DNTT: variants seen among roughly 807,000 people sequenced by gnomAD.
DNTT encodes the protein DNA nucleotidylexotransferase.
DNTT carries 47 observed loss-of-function variants against 60.9 expected under a neutral mutation model. That is an observed-to-expected ratio of 0.77 (90% confidence interval 0.61 to 0.98). DNTT has a LOEUF of 0.98. Among genes scored for constraint, DNTT ranks in the 50% least tolerant of loss-of-function variants. The pLI, the probability that DNTT is intolerant of heterozygous loss-of-function variation, is 0.00. For missense variants in DNTT, 665 were observed against 627.5 expected, an observed-to-expected ratio of 1.06 and a Z score of -0.64; for synonymous variants, 224 against 221.2, an observed-to-expected ratio of 1.01 and a Z score of -0.11.
chr10:96,322,794 G>A lies in DNTT; in HGVS notation c.750+66G>A, dbSNP rs1272119668. 4.5e-6 allele frequency: 6 copies of A among 1,328,928 alleles called. No homozygotes were observed. The African/African-American group carries it at 5.9e-5, about 13-fold the overall frequency. The allele number at this position is 1,328,928 out of a possible 1,614,324, so 82.3% of individuals were successfully genotyped here. A position where few individuals can be genotyped will look rare whatever the true frequency, so the allele number is the denominator to read the frequency against. ...GTTAATCTTATTACTTATTCTGGCT[G>A]GTTGTATTAGTCAGCTTGGGCTGCA... is the stretch of plus-strand genomic sequence containing the variant. On this transcript the variant is annotated intron_variant, in intron 5 of 10. Coordinates refer to ENST00000371174, the MANE Select transcript of DNTT (RefSeq NM_004088.4).
intron 9 of DNTT, 141 bp from the exon 10 acceptor site, chr10:96,335,750 C>A: frequency 1.1e-6 from 1 of 878,686 alleles, no homozygotes; most frequent in Non-Finnish European, 1.9e-6. Flanking sequence ...ACTTCTGTCA[C>A]CAGAGAATTT....
chr10:96,322,786 T>C (rs1687284147), intron 5 of DNTT, 58 bp downstream of exon 5: 1 of 1,421,730 alleles, frequency 7.0e-7, no homozygotes, highest in Non-Finnish European at 9.7e-7. Context: ...TTATTACTTA[T>C]TCTGGCTGGT....
intron 2 of DNTT, among the ~76,000 whole-genome samples, chr10:96,318,744 C>T (rs6584067): frequency 0.93 from 142,022 of 152,258 alleles, 67,063 homozygotes; most frequent in East Asian, 1. Context: ...TAGAACAACA[C>T]ACATGTAAAG....
chr10:96,305,918 G>C (rs1012448400), intron 1 of DNTT, among the ~76,000 whole-genome samples: 12 of 151,750 alleles, frequency 7.9e-5, no homozygotes, highest in African/African-American at 2.9e-4. Flanking sequence ...TTTCTCTCTT[G>C]CTGCCTCTCT....
chr10:96,338,428 G>T lies in DNTT; in HGVS notation c.*204G>T, dbSNP rs564478065. 327 of 429,172 alleles carry T rather than the reference G, an allele frequency of 7.6e-4. 5 individuals carry two copies. In the South Asian group the frequency reaches 0.014, roughly 19 times the overall value. 26.6% of individuals were successfully genotyped at this position (429,172 alleles called of 1,614,324 possible). A position where few individuals can be genotyped will look rare whatever the true frequency, so the allele number is the denominator to read the frequency against. Reference sequence around the variant, plus strand: ...CTAATAGGCCATGTTTATGACTGTTGCATAGAATTCACAATGCATTTTTCA... The same window carrying T: ...CTAATAGGCCATGTTTATGACTGTTTCATAGAATTCACAATGCATTTTTCA... On this transcript the variant is annotated 3_prime_UTR_variant, in exon 11 of 11. Coordinates refer to ENST00000371174, the MANE Select transcript of DNTT (RefSeq NM_004088.4).
intron 8 of DNTT, among the ~76,000 whole-genome samples, chr10:96,330,338 G>T (rs1844991901): frequency 6.9e-6 from 1 of 143,984 alleles, no homozygotes; most frequent in Non-Finnish European, 1.5e-5. Flanking sequence ...TTTTTTAAGG[G>T]AAGGTGTGTT....
chr10:96,335,830 C>T, intron 9 of DNTT, 61 bp from the exon 10 acceptor site: 3 of 1,555,778 alleles, frequency 1.9e-6, no homozygotes, highest in Non-Finnish European at 2.7e-6. Context: ...GGGATGTAGC[C>T]ACCTAATACT....
chr10:96,317,609 G>A (rs1470801031), intron 1 of DNTT, among the ~76,000 whole-genome samples: 1 of 152,102 alleles, frequency 6.6e-6, no homozygotes, highest in Non-Finnish European at 1.5e-5. Context: ...AGGTGAGTAG[G>A]TTATGAGGGC....
chr10:96,319,231 A>G, intron 2 of DNTT, 31 bp from the exon 3 acceptor site: 1 of 1,607,706 alleles, frequency 6.2e-7, no homozygotes, highest in Non-Finnish European at 8.5e-7. Flanking sequence ...ATTAATTTTT[A>G]TTGAAAATGG....
Position 96,318,397 on chromosome 10 carries a change from T to G in DNTT, c.249T>G (p.Asp83Glu), listed in dbSNP as rs1364439128. 11 of 1,613,448 alleles carry G rather than the reference T, an allele frequency of 6.8e-6. No individual in the cohort carries two copies. In the East Asian group the frequency reaches 1.6e-4, roughly 23 times the overall value. The change falls in exon 2 of 11, where the codon GAT becomes GAG. Residue 83 changes from aspartate to glutamate, a missense_variant. Transcript: ENST00000371174. ...HIVAENNSGS[D>E]VLEWLQAQKV... is the part of the protein sequence containing the mutation. ...TAGCAGAGAACAACTCGGGTTCGGATGTTCTGGAGTGGCTTCAAGCACAGA... is the reference window on the plus strand; with the variant it reads ...TAGCAGAGAACAACTCGGGTTCGGAGGTTCTGGAGTGGCTTCAAGCACAGA...
chr10:96,333,093 T>C (rs554289849), intron 9 of DNTT, among the ~76,000 whole-genome samples: 3 of 152,304 alleles, frequency 2.0e-5, no homozygotes, highest in African/African-American at 7.2e-5. Flanking sequence ...TTATCCAGCA[T>C]ATACAAGGAA....
intron 5 of DNTT, among the ~76,000 whole-genome samples, chr10:96,324,034 G>A (rs1439029893): frequency 6.6e-6 from 1 of 152,136 alleles, no homozygotes; most frequent in Non-Finnish European, 1.5e-5. Flanking sequence ...GCCAGAACCT[G>A]CTTGTTACTT....
intron 5 of DNTT, 66 bp downstream of exon 5, chr10:96,322,794 G>T: frequency 7.5e-7 from 1 of 1,329,050 alleles, no homozygotes; most frequent in South Asian, 1.5e-5. Flanking sequence ...TATTCTGGCT[G>T]GTTGTATTAG....
chr10:96,332,538 T>C lies in DNTT; in HGVS notation c.1301T>C (p.Leu434Ser). ...ACCTGGAAGGCCATCCGTGTGGATT[T>C]AGTTCTGTGCCCCTACGAGCGTCGT... ...GKTWKAIRVD[L>S]VLCPYERRAF... is the part of the protein sequence containing the mutation. Residue 434 changes from leucine to serine, a missense_variant, in exon 9 of 11, where the codon TTA becomes TCA. Transcript: ENST00000371174. 1.2e-6 allele frequency: 2 copies of C among 1,614,156 alleles called. No individual in the cohort carries two copies. Among genetic ancestry groups the C allele is most frequent in the Non-Finnish European group, 1.7e-6 (2 of 1,179,996 alleles).
intron 1 of DNTT, among the ~76,000 whole-genome samples, chr10:96,311,462 G>C (rs1276944423): frequency 6.6e-6 from 1 of 152,088 alleles, no homozygotes. Context: ...GGATCAACTA[G>C]GAAAAGAAAG....
Position 96,324,391 on chromosome 10 carries a change from T to C in DNTT, c.874+2T>C. The C allele has an allele frequency of 6.2e-7, 1 of 1,613,638 alleles. No homozygotes were observed. Among genetic ancestry groups the C allele is most frequent in the Non-Finnish European group, 8.5e-7 (1 of 1,179,696 alleles). ...AATTTACACGAATGCAGAAAGCAGG[T>C]AAATTGTCTCTCCTAAAAGTCATTG... On this transcript the variant is annotated splice_donor_variant, in intron 6 of 10. Coordinates refer to ENST00000371174, the MANE Select transcript of DNTT (RefSeq NM_004088.4). LOFTEE classifies it high-confidence loss of function.
In DNTT at chr10:96,338,518, G is replaced by A. The variant is rs115387282; in HGVS notation, c.*294G>A. On this transcript the variant is annotated 3_prime_UTR_variant, in exon 11 of 11. Transcript: ENST00000371174. ...CTCATCAAAGCCCACTTTGTTCGCA[G>A]TGTAGCTGAAATACTGTCTATCTCT... 576 of 242,038 alleles carry A rather than the reference G, an allele frequency of 2.4e-3. 5 individuals carry two copies. The highest frequency in any genetic ancestry group is 0.012 in the African/African-American group (537 of 44,556). The allele number at this position is 242,038 out of a possible 1,614,324, so 15.0% of individuals were successfully genotyped here. A position where few individuals can be genotyped will look rare whatever the true frequency, so the allele number is the denominator to read the frequency against.
intron 1 of DNTT, among the ~76,000 whole-genome samples, chr10:96,311,623 A>G (rs1844714828): frequency 6.6e-6 from 1 of 152,160 alleles, no homozygotes; most frequent in African/African-American, 2.4e-5. Flanking sequence ...TATAATATAT[A>G]CGTAATCTGT....
intron 9 of DNTT, among the ~76,000 whole-genome samples, chr10:96,332,992 G>C (rs576627898): frequency 6.6e-6 from 1 of 152,276 alleles, no homozygotes; most frequent in East Asian, 1.9e-4. Context: ...AAACCAGCAA[G>C]GGGATTGAAA....
Sources: allele counts gnomAD v4.1 joint callset (sites outside exome capture counted in the v4.1 genomes callset), GRCh38; gene constraint gnomAD v4.1.1; transcripts MANE v1.5; gene names NCBI Gene and HGNC (gene_info 2026-07-23, HGNC 2026-07-21).